Variants in ARHGEF11 observed in about 807,000 individuals in gnomAD.
The protein encoded by ARHGEF11 is Rho guanine nucleotide exchange factor 11.
A neutral mutation model predicts 193.7 loss-of-function variants in ARHGEF11; 55 were observed. The observed-to-expected ratio is 0.28, with a 90% CI of 0.23 to 0.36. The LOEUF (loss-of-function observed/expected upper bound fraction) is 0.36, where lower values mean the gene tolerates loss of function less well. ARHGEF11 is among the 10% of genes least tolerant of loss of function. ARHGEF11 has a pLI of 1.00. For missense variants in ARHGEF11, 1,723 were observed against 2,005.6 expected (o/e 0.86, Z 2.69); for synonymous variants, 693 against 768.0 (o/e 0.90, Z 1.62).
intron 1 of ARHGEF11, among the ~76,000 whole-genome samples, chr1:157,031,005 C>T (rs1671239986): frequency 6.6e-6 from 1 of 150,888 alleles, no homozygotes; most frequent in Admixed American, 6.6e-5. Flanking sequence ...TCCTTTAATC[C>T]TGTCACATCT....
At chr1:156,984,491 C>T in intron 2 of ARHGEF11, 54 bp from the exon 3 acceptor site, 1 of 1,427,616 alleles carries the variant, frequency 7.0e-7, no homozygotes, top group South Asian at 1.3e-5. Context: ...GGTTAGTGTA[C>T]ACATGCCAAG....
intron 6 of ARHGEF11, 84 bp from the exon 7 acceptor site, chr1:156,977,138 G>T: frequency 8.5e-7 from 1 of 1,176,460 alleles, no homozygotes; most frequent in Non-Finnish European, 1.3e-6. Flanking sequence ...TCCTGGGCAA[G>T]GACAGCTATG....
chr1:156,956,423 C>T lies in ARHGEF11; in HGVS notation c.1668G>A (p.Lys556=). 2 of 1,614,090 alleles carry T rather than the reference C, an allele frequency of 1.2e-6. No individual in the cohort carries two copies. Among genetic ancestry groups the T allele is most frequent in the Non-Finnish European group, 1.7e-6 (2 of 1,180,000 alleles). ...AGCCACCATGCCCGGCCCTCACCTT[C>T]TTGGTCTTAGGGAAGAACGGTAGCC... The part of the protein sequence containing the change: ...DKWLPFFPKT[K]KSSNSKKEKD... Residue 556 remains lysine, a synonymous_variant, in exon 19 of 41, where the codon AAG becomes AAA. Transcript: ENST00000368194.
intron 1 of ARHGEF11, among the ~76,000 whole-genome samples, chr1:157,020,505 T>C (rs1669839788): frequency 1.3e-5 from 2 of 152,214 alleles, no homozygotes. Context: ...CTATGGTCTT[T>C]GAATTTAAAA....
At chr1:157,035,510 A>G (rs1671807054) in intron 1 of ARHGEF11, among the ~76,000 whole-genome samples, 1 of 151,068 alleles carries the variant, frequency 6.6e-6, no homozygotes, top group Admixed American at 6.6e-5. Flanking sequence ...GGTTCAAGCC[A>G]TTCTCCTGCC....
At chr1:156,985,587 C>T (rs1478641876) in intron 2 of ARHGEF11, among the ~76,000 whole-genome samples, 1 of 152,126 alleles carries the variant, frequency 6.6e-6, no homozygotes, top group Non-Finnish European at 1.5e-5. Flanking sequence ...CCACACCTGG[C>T]TAATTTTTGT....
intron 1 of ARHGEF11, among the ~76,000 whole-genome samples, chr1:157,038,943 T>TGGTCAA (rs1672400690): frequency 6.6e-6 from 1 of 152,030 alleles, no homozygotes; most frequent in Non-Finnish European, 1.5e-5. Flanking sequence ...CACCTGAGCC[T>TGGTCAA]GGGGAGGTCA....
At position 157,025,896 on chromosome 1, in the gene ARHGEF11, G is replaced by A. The variant is rs944481602; in HGVS notation, c.32+18403C>T. Among the ~76,000 whole-genome samples the A allele has an allele frequency of 7.2e-5, 11 of 152,200 alleles. No homozygotes were observed. The East Asian group carries it at 2.1e-3, about 29-fold the overall frequency. ...AGGTTCTTCCTTACAAGTCTGTGATGAGGGTAGGTATAACAATAGATGGAA... is the reference window on the plus strand; with the variant it reads ...AGGTTCTTCCTTACAAGTCTGTGATAAGGGTAGGTATAACAATAGATGGAA... On this transcript the variant is annotated intron_variant, in intron 1 of 40. Transcript: ENST00000368194.
chr1:156,939,639 A>T lies in ARHGEF11; in HGVS notation c.4005T>A (p.Ser1335=), dbSNP rs781314175. ...CCAGTTCTGGAGACTCCCATATCCC[A>T]GAATTTCTGGTCCTTGGGGGTAGGT... ...LEHLPPRTRN[S]GIWESPELDR... is the part of the protein sequence containing the mutation. Residue 1335 remains serine (S), a synonymous_variant, in exon 37 of 41, where the codon TCT becomes TCA. Transcript: ENST00000368194. The T allele has an allele frequency of 5.0e-6, 8 of 1,613,750 alleles. No individual in the cohort carries two copies. The Admixed American group carries it at 6.7e-5, about 13-fold the overall frequency.
chr1:156,967,730 T>C (rs1302757479), intron 11 of ARHGEF11, among the ~76,000 whole-genome samples: 1 of 152,208 alleles, frequency 6.6e-6, no homozygotes, highest in Non-Finnish European at 1.5e-5. Flanking sequence ...AGCTATCCGC[T>C]CCTTAGCTGT....
At chr1:157,026,621 A>G (rs1221073730) in intron 1 of ARHGEF11, among the ~76,000 whole-genome samples, 2 of 152,204 alleles carry the variant, frequency 1.3e-5, no homozygotes, top group Admixed American at 6.5e-5. Context: ...GCCTTCCTCA[A>G]GCAAGGGGAG....
In ARHGEF11 at chr1:156,969,172, T is replaced by C. The variant is rs561113136; in HGVS notation, c.825+110A>G. On this transcript the variant is annotated intron_variant, in intron 10 of 40. Transcript: ENST00000368194. ...GATTATATCCTTGGAACTAGAACGA[T>C]GGAAGAGGCACACAGAGGCCTCAGT... The C allele has an allele frequency of 8.2e-6, 7 of 857,666 alleles. 1 individual carries two copies. Among genetic ancestry groups the C allele is most frequent in the South Asian group, 7.7e-5 (5 of 64,870 alleles). 53.1% of individuals were successfully genotyped at this position (857,666 alleles called of 1,614,324 possible).
chr1:157,011,458 CA>C (rs778908742), intron 1 of ARHGEF11, among the ~76,000 whole-genome samples: 1 of 151,316 alleles, frequency 6.6e-6, no homozygotes, highest in African/African-American at 2.4e-5. Context: ...AAAGCATACG[CA>C]AAAAAAGAAA....
Position 156,938,473 on chromosome 1 carries a change from C to T in ARHGEF11, c.4137G>A (p.Glu1379=). ...AGSKVVPALP[E]SGQSEPGPPE... The stretch of plus-strand genomic sequence containing the variant: ...GTGGCCCAGGCTCTGACTGGCCACT[C>T]TCTGGTAGTGCAGGGACAACCTTGC... Residue 1379 remains glutamate (E), a synonymous_variant, in exon 38 of 41, where the codon GAG becomes GAA. Coordinates refer to ENST00000368194, the MANE Select transcript of ARHGEF11 (RefSeq NM_198236.3). 6.2e-7 allele frequency: 1 copy of T among 1,613,874 alleles called. No individual in the cohort carries two copies.
At chr1:157,023,543 A>G (rs1442111593) in intron 1 of ARHGEF11, among the ~76,000 whole-genome samples, 2 of 152,216 alleles carry the variant, frequency 1.3e-5, no homozygotes, top group Non-Finnish European at 2.9e-5. Context: ...AGGCGGGCAG[A>G]TCAGCTGAGG....
intron 11 of ARHGEF11, among the ~76,000 whole-genome samples, chr1:156,964,641 G>C (rs769535897): frequency 1.8e-4 from 28 of 152,158 alleles, no homozygotes; most frequent in Non-Finnish European, 4.0e-4. Context: ...GGCCCAGAAG[G>C]TATCTCAGAC....
intron 1 of ARHGEF11, among the ~76,000 whole-genome samples, chr1:156,990,302 TAA>T (rs1665529732): frequency 6.6e-6 from 1 of 152,254 alleles, no homozygotes; most frequent in African/African-American, 2.4e-5. Context: ...GACTATTATA[TAA>T]GTGATGTTGG....
At chr1:157,025,426 T>A (rs554909452) in intron 1 of ARHGEF11, among the ~76,000 whole-genome samples, 1 of 152,274 alleles carries the variant, frequency 6.6e-6, no homozygotes, top group African/African-American at 2.4e-5. Context: ...AGGGCATAAA[T>A]CTGGTAGAGA....
intron 22 of ARHGEF11, chr1:156,949,232 G>A (rs1658706096): frequency 2.4e-6 from 1 of 408,842 alleles, no homozygotes. Flanking sequence ...CTTGGCTACT[G>A]AGTGTCTCTG....
Sources: allele counts gnomAD v4.1 joint callset (sites outside exome capture counted in the v4.1 genomes callset), GRCh38; gene constraint gnomAD v4.1.1; transcripts MANE v1.5; gene names NCBI Gene and HGNC (gene_info 2026-07-23, HGNC 2026-07-21).